Variants in CDC16 observed in about 807,000 individuals in gnomAD.
CDC16 encodes the protein cell division cycle protein 16 homolog.
In CDC16, 34 loss-of-function variants were observed where a neutral mutation model predicts 87.0. The ratio of observed to expected loss-of-function variants is 0.39; its 90% CI spans 0.30 to 0.52. CDC16 has a LOEUF of 0.52. Among genes scored for constraint, CDC16 ranks in the 20% least tolerant of loss-of-function variants. The pLI, the probability that CDC16 is intolerant of heterozygous loss-of-function variation, is 0.74. For missense variants in CDC16, 653 were observed against 751.9 expected (o/e 0.87, Z 1.54); for synonymous variants, 263 against 260.6 (o/e 1.01, Z -0.09).
intron 10 of CDC16, among the ~76,000 whole-genome samples, chr13:114,246,422 C>T (rs2081877300): frequency 6.6e-6 from 1 of 152,178 alleles, no homozygotes; most frequent in Non-Finnish European, 1.5e-5. Flanking sequence ...TGTAAGACAA[C>T]CTGTTGAATT....
chr13:114,242,108 AT>A lies in CDC16; in HGVS notation c.382-8del. The A allele has an allele frequency of 6.3e-7, 1 of 1,587,694 alleles. No homozygotes were observed. Among genetic ancestry groups the A allele is most frequent in the South Asian group, 1.2e-5 (1 of 86,094 alleles). ...GTACTGACTTAATATGTGACTCATC[AT>A]TTTTCCAACAGATAAAGAGTTCTAT... On this transcript the variant is annotated splice_polypyrimidine_tract_variant and intron_variant, in intron 5 of 17. Transcript: ENST00000356221.
At chr13:114,261,811 G>A in intron 14 of CDC16, 76 bp from the exon 15 acceptor site, 2 of 1,037,976 alleles carry the variant, frequency 1.9e-6, no homozygotes, top group Non-Finnish European at 2.9e-6. Flanking sequence ...TGCAAGGCGT[G>A]AAATAATTCA....
chr13:114,266,220 C>T (rs1463167168), intron 17 of CDC16, among the ~76,000 whole-genome samples: 1 of 152,140 alleles, frequency 6.6e-6, no homozygotes, highest in African/African-American at 2.4e-5. Context: ...GATCTGTCTG[C>T]TTATGTGTCT....
chr13:114,254,366 T>C (rs1246659155), intron 12 of CDC16, among the ~76,000 whole-genome samples: 1 of 152,220 alleles, frequency 6.6e-6, no homozygotes, highest in Non-Finnish European at 1.5e-5. Flanking sequence ...TCCCCTTTTT[T>C]TATTATACTA....
At chr13:114,245,926 G>T in intron 9 of CDC16, 74 bp from the exon 10 acceptor site, 1 of 763,270 alleles carries the variant, frequency 1.3e-6, no homozygotes, top group South Asian at 1.6e-5. Flanking sequence ...TGATTGTGAA[G>T]AGTTGTAATG....
Position 114,246,005 on chromosome 13 carries a change from TTCTA to T in CDC16, c.857_860del (p.Tyr286PhefsTer52), listed in dbSNP as rs746741458. 4 of 1,485,048 alleles carry T rather than the reference TTCTA, an allele frequency of 2.7e-6. No homozygotes were observed. Among genetic ancestry groups the T allele is most frequent in the South Asian group, 1.2e-5 (1 of 84,194 alleles). 92.0% of individuals were successfully genotyped at this position (1,485,048 alleles called of 1,614,324 possible). A position where few individuals can be genotyped will look rare whatever the true frequency, so the allele number is the denominator to read the frequency against. On this transcript the variant is annotated frameshift_variant, in exon 10 of 18. Coordinates refer to ENST00000356221, the MANE Select transcript of CDC16 (RefSeq NM_001078645.3). LOFTEE classifies it high-confidence loss of function. ...TTCTGCTTTTTCCTGAACAGAACTT[TTCTA>T]TCTTTCTCATAAACTGGTGGATTTA...
At chr13:114,269,985 C>T (rs1243253161) in intron 17 of CDC16, among the ~76,000 whole-genome samples, 2 of 152,186 alleles carry the variant, frequency 1.3e-5, no homozygotes, top group Non-Finnish European at 2.9e-5. Flanking sequence ...GGATTATAGG[C>T]GTGAGCCACC....
At chr13:114,240,394 A>G (rs2081484689) in intron 5 of CDC16, among the ~76,000 whole-genome samples, 2 of 152,174 alleles carry the variant, frequency 1.3e-5, no homozygotes, top group Non-Finnish European at 2.9e-5. Flanking sequence ...CTATTTTAGT[A>G]GAGACGGGGT....
At chr13:114,260,363 T>C (rs1159679681) in intron 14 of CDC16, among the ~76,000 whole-genome samples, 2 of 152,214 alleles carry the variant, frequency 1.3e-5, no homozygotes, top group Non-Finnish European at 2.9e-5. Flanking sequence ...CCAAGTGTTT[T>C]GTTAATAGGG....
At chr13:114,248,960 G>GC (rs1394376227) in intron 11 of CDC16, among the ~76,000 whole-genome samples, 1 of 151,970 alleles carries the variant, frequency 6.6e-6, no homozygotes, top group Non-Finnish European at 1.5e-5. Context: ...TTTTGTAGAA[G>GC]CCCCCCCTCC....
At chr13:114,252,137 G>A (rs1453815458) in intron 12 of CDC16, among the ~76,000 whole-genome samples, 1 of 146,088 alleles carries the variant, frequency 6.8e-6, no homozygotes, top group African/African-American at 2.6e-5. Context: ...CCCTACACTA[G>A]CCCTGTTGGA....
rs2082123064 is a variant in CDC16, at chr13:114,250,681, C to T, written c.1097+7C>T. ...CAGCACAGCTGATGAAAGGGTACGGCAGAGCAAACTCATCAAACTCCATGA... is the reference window on the plus strand; with the variant it reads ...CAGCACAGCTGATGAAAGGGTACGGTAGAGCAAACTCATCAAACTCCATGA... On this transcript the variant is annotated splice_region_variant and intron_variant, in intron 12 of 17. Coordinates refer to ENST00000356221, the MANE Select transcript of CDC16 (RefSeq NM_001078645.3). The T allele has an allele frequency of 2.5e-6, 4 of 1,613,496 alleles. No individual in the cohort carries two copies. The highest frequency in any genetic ancestry group is 1.7e-5 in the Admixed American group (1 of 59,898).
At chr13:114,261,115 C>CAAGGGTATTCCCTAA (rs2082834714) in intron 14 of CDC16, among the ~76,000 whole-genome samples, 1 of 152,004 alleles carries the variant, frequency 6.6e-6, no homozygotes, top group South Asian at 2.1e-4. Flanking sequence ...ATCAGCTAGG[C>CAAGGGTATTCCCTAA]AAAAATTAGG....
chr13:114,247,220 C>T (rs2081921924), intron 11 of CDC16: 2 of 542,856 alleles, frequency 3.7e-6, no homozygotes, highest in African/African-American at 1.9e-5. Flanking sequence ...CTCTGTTGCC[C>T]AGACTAGAGT....
At chr13:114,260,558 C>T (rs2082782536) in intron 14 of CDC16, among the ~76,000 whole-genome samples, 1 of 152,230 alleles carries the variant, frequency 6.6e-6, no homozygotes, top group Non-Finnish European at 1.5e-5. Context: ...TTTTGAGAAG[C>T]ACTTTCCTAA....
Position 114,247,670 on chromosome 13 carries a change from G to T in CDC16, c.971+666G>T, listed in dbSNP as rs1197014550. Among the ~76,000 whole-genome samples the T allele has an allele frequency of 3.3e-5, 5 of 152,200 alleles. No individual in the cohort carries two copies. In the East Asian group the frequency reaches 9.7e-4, roughly 30 times the overall value. On this transcript the variant is annotated intron_variant, in intron 11 of 17. Transcript: ENST00000356221. Reference sequence around the variant, plus strand: ...ATGCAGGTGGATCACCTGAGGTCAGGAGTTCAAGACCAGCCTGACTAACAT... The same window carrying T: ...ATGCAGGTGGATCACCTGAGGTCAGTAGTTCAAGACCAGCCTGACTAACAT...
At chr13:114,261,565 T>C (rs1049274840) in intron 14 of CDC16, among the ~76,000 whole-genome samples, 5 of 151,890 alleles carry the variant, frequency 3.3e-5, no homozygotes. Context: ...TTGTAACATT[T>C]ACAAGCAGAA....
intron 3 of CDC16, among the ~76,000 whole-genome samples, chr13:114,238,712 T>C (rs1190822106): frequency 2.0e-5 from 3 of 152,226 alleles, no homozygotes. Context: ...GTTGATGCTT[T>C]CTGTTGCCCC....
Position 114,259,369 on chromosome 13 carries a change from T to C in CDC16, c.1285T>C (p.Leu429=). 1 of 1,576,486 alleles carries C rather than the reference T, an allele frequency of 6.3e-7. No homozygotes were observed. The highest frequency in any genetic ancestry group is 8.5e-7 in the Non-Finnish European group (1 of 1,169,806). The change falls in exon 14 of 18, where the codon TTG becomes CTG. Residue 429 remains leucine (L), a synonymous_variant. Coordinates refer to ENST00000356221, the MANE Select transcript of CDC16 (RefSeq NM_001078645.3). ...KTAEKWFLDA[L]EKIKAIGNEV... The stretch of plus-strand genomic sequence containing the variant: ...AGCCGAAAAATGGTTTCTTGATGCT[T>C]TGGAAAAAATTAAAGCAATTGGGAA...
Sources: gnomAD v4.1 joint callset for allele counts (sites outside exome capture counted in the v4.1 genomes callset) on GRCh38, gnomAD v4.1.1 for gene constraint, MANE v1.5 for transcripts, NCBI Gene and HGNC (gene_info 2026-07-23, HGNC 2026-07-21) for gene names.